Variants in HS3ST1 observed in about 807,000 individuals in gnomAD.
The protein encoded by HS3ST1 is heparan sulfate glucosamine 3-O-sulfotransferase 1.
Under a neutral mutation model 20.7 loss-of-function variants are expected in HS3ST1, and 8 were observed. The observed-to-expected ratio is 0.39, with a 90% CI of 0.23 to 0.70. The LOEUF (loss-of-function observed/expected upper bound fraction) is 0.70, where lower values mean the gene tolerates loss of function less well. Among genes scored for constraint, HS3ST1 ranks in the 30% least tolerant of loss-of-function variants. HS3ST1 has a pLI of 0.46. For synonymous variants in HS3ST1, 205 were observed against 190.4 expected, an observed-to-expected ratio of 1.08 and a Z score of -0.63; for missense variants, 436 against 423.4, an observed-to-expected ratio of 1.03 and a Z score of -0.26.
chr4:11,424,335 CTCT>C (rs1719011482), intron 1 of HS3ST1, among the ~76,000 whole-genome samples: 1 of 152,158 alleles, frequency 6.6e-6, no homozygotes, highest in African/African-American at 2.4e-5. Context: ...TTTTCTAGAC[CTCT>C]TGTAGTAGCA....
upstream of HS3ST1, among the ~76,000 whole-genome samples, chr4:11,432,117 T>A (rs1719217094): frequency 6.6e-6 from 1 of 152,196 alleles, no homozygotes; most frequent in African/African-American, 2.4e-5. Context: ...TTCTGGTTTT[T>A]CTCTTTCCCA....
Position 11,414,336 on chromosome 4 carries a change from C to T in HS3ST1, c.-108-14223G>A, listed in dbSNP as rs140399989. On this transcript the variant is annotated intron_variant, in intron 1 of 1. Coordinates refer to ENST00000002596, the MANE Select transcript of HS3ST1 (RefSeq NM_005114.4). ...GTGTGTGTATATATACATATACACG[C>T]GTGTGTGGTTGTTCCAATGATGAAC... is the stretch of plus-strand genomic sequence containing the variant. Among the ~76,000 whole-genome samples, 143 of 151,974 alleles carry T rather than the reference C, an allele frequency of 9.4e-4. No individual in the cohort carries two copies. In the East Asian group the frequency reaches 0.021, roughly 23 times the overall value.
intron 1 of HS3ST1, among the ~76,000 whole-genome samples, chr4:11,422,985 T>C (rs1158878002): frequency 8.5e-6 from 1 of 117,576 alleles, no homozygotes; most frequent in Non-Finnish European, 1.6e-5. Flanking sequence ...ATCACGCCAC[T>C]GCACTCCAGC....
At chr4:11,431,717 A>AG (rs1196562582), upstream of HS3ST1, among the ~76,000 whole-genome samples, 1 of 152,222 alleles carries the variant, frequency 6.6e-6, no homozygotes, top group Non-Finnish European at 1.5e-5. Context: ...TAGAAACAAA[A>AG]GCAACTGACC....
intron 1 of HS3ST1, among the ~76,000 whole-genome samples, chr4:11,407,195 G>A (rs1424954743): frequency 6.6e-6 from 1 of 152,158 alleles, no homozygotes; most frequent in Non-Finnish European, 1.5e-5. Context: ...AGGTGGGATG[G>A]GGTGAAAAGA....
chr4:11,429,270 A>C (rs1259396679), upstream of HS3ST1: 2 of 152,440 alleles, frequency 1.3e-5, no homozygotes, highest in Admixed American at 1.3e-4. Flanking sequence ...CGTCACTGCA[A>C]ACACGGGACG....
At chr4:11,416,062 G>A (rs1383478729) in intron 1 of HS3ST1, among the ~76,000 whole-genome samples, 2 of 152,144 alleles carry the variant, frequency 1.3e-5, no homozygotes, top group Non-Finnish European at 2.9e-5. Flanking sequence ...ACTCCCATGA[G>A]AGAGTTCAGG....
chr4:11,418,601 C>T (rs935016722), intron 1 of HS3ST1, among the ~76,000 whole-genome samples: 1 of 152,148 alleles, frequency 6.6e-6, no homozygotes, highest in African/African-American at 2.4e-5. Flanking sequence ...AATGATCCTG[C>T]ATCACAGAAT....
intron 1 of HS3ST1, among the ~76,000 whole-genome samples, chr4:11,409,885 A>G (rs1007608841): frequency 4.6e-5 from 7 of 152,206 alleles, no homozygotes; most frequent in Admixed American, 2.0e-4. Flanking sequence ...TGGCTAAAGA[A>G]GCAGGTGCTG....
intron 1 of HS3ST1, among the ~76,000 whole-genome samples, chr4:11,422,777 A>G (rs1202740779): frequency 6.6e-6 from 1 of 152,114 alleles, no homozygotes; most frequent in African/African-American, 2.4e-5. Flanking sequence ...ATTTTATAAT[A>G]AAAATGTCAT....
intron 1 of HS3ST1, among the ~76,000 whole-genome samples, chr4:11,419,408 C>T (rs1281270481): frequency 6.6e-6 from 1 of 152,090 alleles, no homozygotes; most frequent in Non-Finnish European, 1.5e-5. Flanking sequence ...TGTTCTCACT[C>T]CTAAGTGGGA....
At chr4:11,412,433 A>C (rs780480938) in intron 1 of HS3ST1, among the ~76,000 whole-genome samples, 1 of 152,228 alleles carries the variant, frequency 6.6e-6, no homozygotes, top group Non-Finnish European at 1.5e-5. Context: ...AGAATTTTCC[A>C]AGAGCCACGG....
chr4:11,431,051 G>C (rs1173277606), upstream of HS3ST1, among the ~76,000 whole-genome samples: 13 of 152,116 alleles, frequency 8.5e-5, no homozygotes, highest in Non-Finnish European at 1.5e-4. Flanking sequence ...TGTAGTGCCA[G>C]AGCTTAGCTC....
At chr4:11,400,257 A>T (rs1206011291) in intron 1 of HS3ST1, 144 bp from the exon 2 acceptor site, 1 of 643,064 alleles carries the variant, frequency 1.6e-6, no homozygotes, top group Non-Finnish European at 2.3e-6. Context: ...CCGATGGCAA[A>T]CATTTTCTGC....
At chr4:11,418,946 T>G (rs950263725) in intron 1 of HS3ST1, among the ~76,000 whole-genome samples, 1 of 152,026 alleles carries the variant, frequency 6.6e-6, no homozygotes, top group East Asian at 1.9e-4. Context: ...TCATGAGGTG[T>G]TGTGTTGGGG....
intron 1 of HS3ST1, among the ~76,000 whole-genome samples, chr4:11,417,532 T>C (rs1027166064): frequency 6.6e-6 from 1 of 152,216 alleles, no homozygotes; most frequent in Non-Finnish European, 1.5e-5. Flanking sequence ...CAAGGTGATA[T>C]TGTGATGAAG....
intron 1 of HS3ST1, among the ~76,000 whole-genome samples, chr4:11,424,739 T>C (rs1320707024): frequency 6.6e-6 from 1 of 151,678 alleles, no homozygotes; most frequent in Non-Finnish European, 1.5e-5. Context: ...AAATAAACAC[T>C]CCAATGTCCC....
At chr4:11,427,358 C>T (rs1405776034) in intron 1 of HS3ST1, among the ~76,000 whole-genome samples, 5 of 152,108 alleles carry the variant, frequency 3.3e-5, no homozygotes, top group African/African-American at 4.8e-5. Context: ...CGGGGTTTCC[C>T]TCCGGGGCTA....
chr4:11,405,264 T>C lies in HS3ST1; in HGVS notation c.-108-5151A>G, dbSNP rs1577438502. ...CAGGGAGGCTGTTTTCTGGGTGTTA[T>C]GGTGAAAACCCAAGGCCTGAGTTTC... is the stretch of plus-strand genomic sequence containing the variant. On this transcript the variant is annotated intron_variant, in intron 1 of 1. Transcript: ENST00000002596. Among the ~76,000 whole-genome samples the C allele has an allele frequency of 2.6e-5, 4 of 152,188 alleles. No homozygotes were observed. The South Asian group carries it at 8.3e-4, about 32-fold the overall frequency.
Sources: allele counts gnomAD v4.1 joint callset (sites outside exome capture counted in the v4.1 genomes callset), GRCh38; gene constraint gnomAD v4.1.1; transcripts MANE v1.5; gene names NCBI Gene and HGNC (gene_info 2026-07-23, HGNC 2026-07-21).